MSRA: variants seen among roughly 807,000 people sequenced by gnomAD.
MSRA encodes the protein methionine sulfoxide reductase A.
A neutral mutation model predicts 31.3 loss-of-function variants in MSRA; 54 were observed. The ratio of observed to expected loss-of-function variants is 1.73; its 90% CI spans 1.39 to 2.17. MSRA has a LOEUF of 2.17. MSRA is among the 30% of genes most tolerant of loss of function. The pLI is 0.00. For missense variants in MSRA, 507 were observed against 300.9 expected (o/e 1.69, Z -5.07); for synonymous variants, 169 against 116.5 (o/e 1.45, Z -2.90).
intron 1 of MSRA, among the ~76,000 whole-genome samples, chr8:10,168,154 C>T (rs1044403792): frequency 2.0e-5 from 3 of 152,166 alleles, no homozygotes; most frequent in Non-Finnish European, 4.4e-5. Context: ...ATAAAAGTGT[C>T]TACCTTGTAG....
At chr8:10,107,493 C>G (rs907491811) in intron 1 of MSRA, among the ~76,000 whole-genome samples, 3 of 152,182 alleles carry the variant, frequency 2.0e-5, no homozygotes, top group Non-Finnish European at 4.4e-5. Flanking sequence ...CTGTGCGTCT[C>G]TGACTCAGAA....
At chr8:10,346,837 T>C (rs573590427) in intron 5 of MSRA, among the ~76,000 whole-genome samples, 3 of 152,326 alleles carry the variant, frequency 2.0e-5, no homozygotes, top group South Asian at 4.1e-4. Context: ...GGGTTGTTGT[T>C]TGGCTTCCTG....
At chr8:10,417,933 G>A (rs181344595) in intron 5 of MSRA, among the ~76,000 whole-genome samples, 3 of 152,206 alleles carry the variant, frequency 2.0e-5, no homozygotes, top group East Asian at 3.9e-4. Context: ...GCTAGAGGGC[G>A]AAGTGAGTCT....
intron 2 of MSRA, among the ~76,000 whole-genome samples, chr8:10,227,424 C>A (rs71516562): frequency 9.2e-5 from 14 of 152,214 alleles, no homozygotes; most frequent in Non-Finnish European, 1.5e-4. Context: ...TGAGCTTTGA[C>A]TGAACACTTG....
At chr8:10,071,428 C>T (rs1293638525) in intron 1 of MSRA, among the ~76,000 whole-genome samples, 1 of 146,074 alleles carries the variant, frequency 6.8e-6, no homozygotes, top group Non-Finnish European at 1.5e-5. Context: ...TAAATATTTT[C>T]TTCTAGGCTG....
chr8:10,059,435 G>T (rs977993583), intron 1 of MSRA, among the ~76,000 whole-genome samples: 2 of 152,166 alleles, frequency 1.3e-5, no homozygotes, highest in African/African-American at 4.8e-5. Flanking sequence ...GTGGAGCTGG[G>T]ATATGAACGT....
intron 5 of MSRA, among the ~76,000 whole-genome samples, chr8:10,353,227 T>G (rs1804296754): frequency 1.3e-5 from 2 of 152,370 alleles, no homozygotes; most frequent in South Asian, 4.1e-4. Flanking sequence ...GAGAACTGCC[T>G]TCTGCAAATA....
chr8:10,242,216 A>G (rs1797367327), intron 2 of MSRA, among the ~76,000 whole-genome samples: 2 of 151,770 alleles, frequency 1.3e-5, no homozygotes, highest in South Asian at 4.1e-4. Context: ...GGTTGCAGTG[A>G]GCCGAGATTG....
chr8:10,105,214 T>G (rs1250688407), intron 1 of MSRA, among the ~76,000 whole-genome samples: 1 of 152,150 alleles, frequency 6.6e-6, no homozygotes, highest in Non-Finnish European at 1.5e-5. Context: ...CTCATTTTCC[T>G]TATGGCAACT....
chr8:10,358,004 C>A (rs1425728940), intron 5 of MSRA, among the ~76,000 whole-genome samples: 1 of 152,158 alleles, frequency 6.6e-6, no homozygotes, highest in Non-Finnish European at 1.5e-5. Context: ...CTCACTGCAA[C>A]CTCTGCTTCC....
At chr8:10,111,591 C>A (rs1054322235) in intron 1 of MSRA, among the ~76,000 whole-genome samples, 1 of 152,028 alleles carries the variant, frequency 6.6e-6, no homozygotes, top group Non-Finnish European at 1.5e-5. Context: ...ACATTTATTT[C>A]CAAGTGGTTT....
At chr8:10,322,429 A>G (rs1802096246) in intron 5 of MSRA, among the ~76,000 whole-genome samples, 1 of 152,198 alleles carries the variant, frequency 6.6e-6, no homozygotes, top group Admixed American at 6.5e-5. Flanking sequence ...TTGGAACTTC[A>G]CTGGAAGTGG....
intron 1 of MSRA, among the ~76,000 whole-genome samples, chr8:10,079,179 G>T (rs1344065671): frequency 1.3e-5 from 2 of 151,750 alleles, no homozygotes; most frequent in Non-Finnish European, 2.9e-5. Context: ...TTTTTTTTTA[G>T]GCAGGGTCTC....
rs572601625 is a variant in MSRA at position 10,427,896 on chromosome 8, G to A, written c.544-252G>A. Among the ~76,000 whole-genome samples the A allele has an allele frequency of 2.2e-3, 337 of 152,318 alleles. 3 individuals are homozygous for A. Among genetic ancestry groups the A allele is most frequent in the African/African-American group, 7.7e-3 (322 of 41,568 alleles). The stretch of plus-strand genomic sequence containing the variant: ...CACTTGGGATGGCAGGGGTGTGGGG[G>A]TAGAGTGTAAGTTACTGATTTAAAA... On this transcript the variant is annotated intron_variant, in intron 5 of 5. Coordinates refer to ENST00000317173, the MANE Select transcript of MSRA (RefSeq NM_012331.5).
intron 3 of MSRA, among the ~76,000 whole-genome samples, chr8:10,290,523 G>A (rs576584692): frequency 6.6e-6 from 1 of 152,136 alleles, no homozygotes; most frequent in Non-Finnish European, 1.5e-5. Context: ...TCCTTTCCCA[G>A]CTTTGCATCA....
At chr8:10,296,721 C>G (rs893390225) in intron 3 of MSRA, among the ~76,000 whole-genome samples, 1 of 152,214 alleles carries the variant, frequency 6.6e-6, no homozygotes, top group Admixed American at 6.5e-5. Flanking sequence ...AAGGCCCCCC[C>G]AGCATGGGTG....
rs533015179 is a variant in MSRA at position 10,307,257 on chromosome 8, C to G, written c.436+5619C>G. Among the ~76,000 whole-genome samples, 14 of 152,074 alleles carry G rather than the reference C, an allele frequency of 9.2e-5. No homozygotes were observed. The East Asian group carries it at 2.1e-3, about 23-fold the overall frequency. ...AATTGGCTTACTGCAACTTCTGCCT[C>G]CCAAGCTCAAGACATCCTCCCACCT... On this transcript the variant is annotated intron_variant, in intron 4 of 5. Transcript: ENST00000317173.
intron 1 of MSRA, among the ~76,000 whole-genome samples, chr8:10,091,324 T>C (rs914222362): frequency 6.6e-6 from 1 of 152,262 alleles, no homozygotes; most frequent in Non-Finnish European, 1.5e-5. Flanking sequence ...CAAATATGTA[T>C]ACATTATAGA....
chr8:10,366,836 C>A (rs1309251691), intron 5 of MSRA, among the ~76,000 whole-genome samples: 2 of 152,272 alleles, frequency 1.3e-5, no homozygotes, highest in East Asian at 3.9e-4. Context: ...TAGGACTTAA[C>A]TGGTTGTGCT....
Sources: gnomAD v4.1 joint callset for allele counts (sites outside exome capture counted in the v4.1 genomes callset) on GRCh38, gnomAD v4.1.1 for gene constraint, MANE v1.5 for transcripts, NCBI Gene and HGNC (gene_info 2026-07-23, HGNC 2026-07-21) for gene names.